PTPRU: variants seen among roughly 807,000 people sequenced by gnomAD.
The protein encoded by PTPRU is receptor-type tyrosine-protein phosphatase U.
A neutral mutation model predicts 166.3 loss-of-function variants in PTPRU; 69 were observed. The ratio of observed to expected loss-of-function variants is 0.41; its 90% CI spans 0.34 to 0.51. The LOEUF (loss-of-function observed/expected upper bound fraction) is 0.51, where lower values mean the gene tolerates loss of function less well. Among genes scored for constraint, PTPRU ranks in the 20% least tolerant of loss-of-function variants. The pLI is 0.09. For synonymous variants in PTPRU, 793 were observed against 814.0 expected, an observed-to-expected ratio of 0.97 and a Z score of 0.44; for missense variants, 1,657 against 2,013.7, an observed-to-expected ratio of 0.82 and a Z score of 3.39.
At chr1:29,267,302 A>T (rs1685347227) in intron 7 of PTPRU, among the ~76,000 whole-genome samples, 1 of 152,172 alleles carries the variant, frequency 6.6e-6, no homozygotes, top group East Asian at 1.9e-4. Flanking sequence ...CAACTATGGG[A>T]CTTGAATATG....
chr1:29,267,311 T>A (rs952554961), intron 7 of PTPRU, among the ~76,000 whole-genome samples: 1 of 152,180 alleles, frequency 6.6e-6, no homozygotes, highest in Admixed American at 6.5e-5. Context: ...GACTTGAATA[T>A]GTGTGAATTC....
chr1:29,245,662 C>T (rs911819053), intron 1 of PTPRU, among the ~76,000 whole-genome samples: 2 of 151,500 alleles, frequency 1.3e-5, no homozygotes, highest in Non-Finnish European at 2.9e-5. Context: ...GTGCCTCCAT[C>T]CTGCCATGAT....
intron 1 of PTPRU, among the ~76,000 whole-genome samples, chr1:29,249,602 G>C (rs893592439): frequency 6.6e-6 from 1 of 152,206 alleles, no homozygotes; most frequent in African/African-American, 2.4e-5. Context: ...TGAGCGCGGG[G>C]CTCAGGGCAT....
In PTPRU at chr1:29,258,614, C is replaced by G; in HGVS notation, c.315C>G (p.Phe105Leu). ...NDTHCVQFSY[F>L]LYSRDGHSPG... Reference sequence around the variant, plus strand: ...CCCACTGTGTGCAGTTCAGCTACTTCCTGTACAGCCGGGACGGGCACAGCC... The same window carrying G: ...CCCACTGTGTGCAGTTCAGCTACTTGCTGTACAGCCGGGACGGGCACAGCC... The change falls in exon 3 of 30, where the codon TTC (phenylalanine) becomes TTG (leucine). Residue 105 changes from phenylalanine to leucine, a missense_variant. By Grantham distance (22) the Phe-to-Leu change is conservative (BLOSUM62 0). Coordinates refer to ENST00000373779, the MANE Select transcript of PTPRU (RefSeq NM_133178.4). 6.2e-7 allele frequency: 1 copy of G among 1,614,254 alleles called. No individual in the cohort carries two copies. Among genetic ancestry groups the G allele is most frequent in the Non-Finnish European group, 8.5e-7 (1 of 1,180,046 alleles).
At chr1:29,259,388 G>A (rs1465586973) in intron 4 of PTPRU, 46 bp downstream of exon 4, 1 of 1,609,308 alleles carries the variant, frequency 6.2e-7, no homozygotes, top group Non-Finnish European at 8.5e-7. Context: ...GGTGTGGGCG[G>A]CCGCGGCTCC....
Position 29,238,610 on chromosome 1 carries a change from C to T in PTPRU, c.73+1893C>T, listed in dbSNP as rs1683897503. On this transcript the variant is annotated intron_variant, in intron 1 of 29. Transcript: ENST00000373779. The surrounding 1 kb of genome is among the most constrained non-coding windows in gnomAD (Gnocchi z 6.1). ...AGCGCTTGGGCCTCGCCCTGCAGCT[C>T]CGGGGCCATAGGGCACAGCTTTAGC... Among the ~76,000 whole-genome samples the T allele has an allele frequency of 2.0e-5, 3 of 152,226 alleles. No individual in the cohort carries two copies. The South Asian group carries it at 6.2e-4, about 31-fold the overall frequency.
intron 28 of PTPRU, among the ~76,000 whole-genome samples, chr1:29,324,292 T>G (rs1688304598): frequency 6.6e-6 from 1 of 152,176 alleles, no homozygotes; most frequent in Admixed American, 6.5e-5. Context: ...GCCTTTCGAG[T>G]GGCAGGCTGG....
rs1270643330 is a variant in PTPRU at position 29,257,206 on chromosome 1, C to T, written c.206-1299C>T. Among the ~76,000 whole-genome samples the T allele has an allele frequency of 1.6e-5, 2 of 126,914 alleles. No homozygotes were observed. The highest frequency in any genetic ancestry group is 5.1e-4 in the South Asian group (2 of 3,924). 83.3% of individuals were successfully genotyped at this position (126,914 alleles called of 152,430 possible). A position where few individuals can be genotyped will look rare whatever the true frequency, so the allele number is the denominator to read the frequency against. On this transcript the variant is annotated intron_variant, in intron 2 of 29. Transcript: ENST00000373779. This position sits in a 1 kb window ranked among gnomAD's most constrained non-coding sequence, Gnocchi z 4.6. Reference sequence around the variant, plus strand: ...GGAGAAAGATGCACACAGCTGCTCGCAGGGAGAGGAGAGAGAAGTAGCATG... The same window carrying T: ...GGAGAAAGATGCACACAGCTGCTCGTAGGGAGAGGAGAGAGAAGTAGCATG...
intron 5 of PTPRU, 70 bp downstream of exon 5, chr1:29,259,634 TC>T: frequency 4.2e-6 from 6 of 1,415,124 alleles, no homozygotes; most frequent in South Asian, 1.3e-5. Flanking sequence ...TGGCCCTGAC[TC>T]CCCCCAGATT....
intron 14 of PTPRU, among the ~76,000 whole-genome samples, chr1:29,290,744 T>G (rs1490786428): frequency 6.6e-6 from 1 of 152,268 alleles, no homozygotes; most frequent in East Asian, 1.9e-4. Context: ...GCAGTTAGTT[T>G]TCAAAACCAG....
At chr1:29,268,254 G>A (rs1244963789) in intron 7 of PTPRU, among the ~76,000 whole-genome samples, 2 of 152,238 alleles carry the variant, frequency 1.3e-5, no homozygotes, top group Non-Finnish European at 1.5e-5. Context: ...AAAGTCATCA[G>A]TGTGGAGATG....
chr1:29,325,152 C>A (rs748077861), intron 28 of PTPRU, 39 bp from the exon 29 acceptor site: 2 of 1,612,304 alleles, frequency 1.2e-6, no homozygotes, highest in Non-Finnish European at 8.5e-7. Context: ...CCTTCAGGTT[C>A]CAAGGCCCCG....
intron 7 of PTPRU, among the ~76,000 whole-genome samples, chr1:29,273,539 G>T (rs975069089): frequency 6.6e-6 from 1 of 152,124 alleles, no homozygotes; most frequent in Non-Finnish European, 1.5e-5. Context: ...AAAGTGCTGG[G>T]ATTACAGGTG....
In PTPRU at chr1:29,317,853, C is replaced by T. The variant is rs775126388; in HGVS notation, c.3619C>T (p.Arg1207Cys). ...CAGCATGGACGTCCTGCCGCCCGAC[C>T]GCTGCCTGCCCTTCCTCATCTCCAC... Reference protein sequence around the residue: ...NRSMDVLPPDRCLPFLISTDG... With the variant: ...NRSMDVLPPDCCLPFLISTDG... The change falls in exon 25 of 30, where the codon CGC (arginine) becomes TGC (cysteine). Residue 1207 changes from arginine to cysteine, a missense_variant. This residue lies in a region of PTPRU where 1,190 missense variants were observed against 1,477.4 expected (regional missense o/e 0.81). Coordinates refer to ENST00000373779, the MANE Select transcript of PTPRU (RefSeq NM_133178.4). This position sits in a 1 kb window ranked among gnomAD's most constrained non-coding sequence, Gnocchi z 5.6. 7.4e-6 allele frequency: 12 copies of T among 1,614,026 alleles called. No individual in the cohort carries two copies. Among genetic ancestry groups the T allele is most frequent in the South Asian group, 1.1e-5 (1 of 91,084 alleles).
chr1:29,242,144 G>A (rs1457494601), intron 1 of PTPRU, among the ~76,000 whole-genome samples: 9 of 152,140 alleles, frequency 5.9e-5, no homozygotes, highest in Admixed American at 6.5e-5. Flanking sequence ...CACCTGCTTC[G>A]GCCTCCCAAA....
intron 1 of PTPRU, among the ~76,000 whole-genome samples, chr1:29,247,923 T>A (rs927362777): frequency 1.1e-4 from 17 of 152,192 alleles, no homozygotes; most frequent in African/African-American, 3.9e-4. Context: ...TCTTTCTGGT[T>A]GCAGCTATGG....
At chr1:29,277,836 T>TTTTTTTTTG (rs1685883864) in intron 8 of PTPRU, among the ~76,000 whole-genome samples, 2 of 117,288 alleles carry the variant, frequency 1.7e-5, no homozygotes, top group African/African-American at 3.2e-5. Context: ...TTTTTTTTTT[T>TTTTTTTTTG]GAGATGGAGT....
chr1:29,317,655 A>T lies in PTPRU; in HGVS notation c.3514-93A>T. On this transcript the variant is annotated intron_variant, in intron 24 of 29. Coordinates refer to ENST00000373779, the MANE Select transcript of PTPRU (RefSeq NM_133178.4). This position sits in a 1 kb window ranked among gnomAD's most constrained non-coding sequence, Gnocchi z 5.6. ...TCAGTTTCTCCATCCATAAAATGGGATTAGTAACTCAGTCCAGCCTCCTTC... is the reference window on the plus strand; with the variant it reads ...TCAGTTTCTCCATCCATAAAATGGGTTTAGTAACTCAGTCCAGCCTCCTTC... The T allele has an allele frequency of 7.4e-7, 1 of 1,349,496 alleles. No individual in the cohort carries two copies. The highest frequency in any genetic ancestry group is 1.4e-5 in the South Asian group (1 of 73,520). The allele number at this position is 1,349,496 out of a possible 1,614,324, so 83.6% of individuals were successfully genotyped here. A position where few individuals can be genotyped will look rare whatever the true frequency, so the allele number is the denominator to read the frequency against.
Position 29,291,840 on chromosome 1 carries a change from C to T in PTPRU, c.2319-29C>T, listed in dbSNP as rs560128592. On this transcript the variant is annotated intron_variant, in intron 14 of 29. Coordinates refer to ENST00000373779, the MANE Select transcript of PTPRU (RefSeq NM_133178.4). The surrounding 1 kb of genome is among the most constrained non-coding windows in gnomAD (Gnocchi z 4.1). Reference sequence around the variant, plus strand: ...GGTGCTGTCCAGCCCCACACAATGCCTGTGTCTCCCCTCAACCCCCCTCTC... The same window carrying T: ...GGTGCTGTCCAGCCCCACACAATGCTTGTGTCTCCCCTCAACCCCCCTCTC... The T allele has an allele frequency of 1.2e-6, 2 of 1,611,096 alleles. No homozygotes were observed. Among genetic ancestry groups the T allele is most frequent in the Admixed American group, 3.4e-5 (2 of 59,654 alleles).
Sources: gnomAD v4.1 joint callset for allele counts (sites outside exome capture counted in the v4.1 genomes callset) on GRCh38, gnomAD v4.1.1 for gene constraint, gnomAD v4.1.1 regional missense constraint, Gnocchi (gnomAD v3.1) non-coding constraint, MANE v1.5 for transcripts, NCBI Gene and HGNC (gene_info 2026-07-23, HGNC 2026-07-21) for gene names.